Variants in CPE observed in about 807,000 individuals in gnomAD.
CPE encodes the protein carboxypeptidase E.
A neutral mutation model predicts 53.5 loss-of-function variants in CPE; 17 were observed. That is an observed-to-expected ratio of 0.32 (90% CI 0.22 to 0.48). CPE has a LOEUF of 0.48. Among genes scored for constraint, CPE ranks in the 20% least tolerant of loss-of-function variants. The probability of loss-of-function intolerance (pLI) is 0.99; values close to 1 mark genes in which losing one functional copy is unlikely to be tolerated. For missense variants in CPE, 524 were observed against 614.7 expected, an observed-to-expected ratio of 0.85 and a Z score of 1.56; for synonymous variants, 226 against 228.8, an observed-to-expected ratio of 0.99 and a Z score of 0.11.
At chr4:165,486,357 A>T (rs1207837082) in intron 5 of CPE, among the ~76,000 whole-genome samples, 4 of 152,204 alleles carry the variant, frequency 2.6e-5, no homozygotes, top group Non-Finnish European at 5.9e-5. Flanking sequence ...AATGCAGAAT[A>T]TTCTCTTTGG....
At chr4:165,473,757 A>C (rs948890226) in intron 3 of CPE, among the ~76,000 whole-genome samples, 6 of 90,324 alleles carry the variant, frequency 6.6e-5, no homozygotes, top group Admixed American at 1.8e-4. Context: ...ATTATGTGGC[A>C]GAATTTGGAG....
intron 1 of CPE, among the ~76,000 whole-genome samples, chr4:165,417,939 G>T (rs1731152486): frequency 6.6e-6 from 1 of 152,082 alleles, no homozygotes; most frequent in South Asian, 2.1e-4. Flanking sequence ...TTTGTTCTGT[G>T]TGGGCACATT....
At chr4:165,477,310 A>C (rs1188333527) in intron 3 of CPE, among the ~76,000 whole-genome samples, 1 of 152,232 alleles carries the variant, frequency 6.6e-6, no homozygotes, top group Non-Finnish European at 1.5e-5. Flanking sequence ...GTTTAAAACA[A>C]ACTCAGTGTG....
chr4:165,438,811 G>T (rs1458928162), intron 1 of CPE, among the ~76,000 whole-genome samples: 1 of 152,106 alleles, frequency 6.6e-6, no homozygotes, highest in African/African-American at 2.4e-5. Context: ...TGGATTTCTT[G>T]GCACTCATGG....
At chr4:165,458,411 A>G (rs960021968) in intron 1 of CPE, among the ~76,000 whole-genome samples, 12 of 152,222 alleles carry the variant, frequency 7.9e-5, no homozygotes, top group Non-Finnish European at 1.6e-4. Flanking sequence ...TTATGTAATC[A>G]GTGAGTTAAA....
At chr4:165,418,536 T>C (rs1239681889) in intron 1 of CPE, among the ~76,000 whole-genome samples, 1 of 152,240 alleles carries the variant, frequency 6.6e-6, no homozygotes. Context: ...AGTGTGTATT[T>C]GTGTCAGGAT....
At chr4:165,386,058 G>C (rs1371174453) in intron 1 of CPE, among the ~76,000 whole-genome samples, 1 of 152,112 alleles carries the variant, frequency 6.6e-6, no homozygotes, top group Non-Finnish European at 1.5e-5. Context: ...AAATCCTGAG[G>C]CTTCTTATTT....
intron 4 of CPE, 62 bp from the exon 5 acceptor site, chr4:165,484,360 G>A (rs1407070343): frequency 2.0e-6 from 3 of 1,476,038 alleles, no homozygotes; most frequent in Non-Finnish European, 2.8e-6. Flanking sequence ...TCACTCTTTA[G>A]AAAACATGCT....
chr4:165,464,286 G>A (rs1732058244), intron 1 of CPE, 104 bp from the exon 2 acceptor site: 3 of 921,240 alleles, frequency 3.3e-6, no homozygotes, highest in Non-Finnish European at 4.7e-6. Context: ...ATCGCTGCTG[G>A]AGGAAAAAAC....
intron 1 of CPE, among the ~76,000 whole-genome samples, chr4:165,384,933 G>C (rs1461772740): frequency 1.3e-5 from 2 of 152,176 alleles, no homozygotes; most frequent in East Asian, 3.9e-4. Flanking sequence ...ATGAGGCAGA[G>C]GAGAAATAAT....
chr4:165,481,226 A>G (rs1732406593), intron 3 of CPE, among the ~76,000 whole-genome samples: 3 of 152,174 alleles, frequency 2.0e-5, no homozygotes, highest in Non-Finnish European at 4.4e-5. Flanking sequence ...GTGTGAACTT[A>G]GATATGCTAT....
intron 1 of CPE, among the ~76,000 whole-genome samples, chr4:165,409,240 G>T (rs1487359137): frequency 6.6e-6 from 1 of 152,158 alleles, no homozygotes; most frequent in African/African-American, 2.4e-5. Context: ...GTCTCCCTGT[G>T]TTGCCCAGGC....
At chr4:165,477,134 G>T (rs186479188) in intron 3 of CPE, among the ~76,000 whole-genome samples, 2 of 151,642 alleles carry the variant, frequency 1.3e-5, no homozygotes, top group African/African-American at 4.9e-5. Flanking sequence ...ATATTTGATT[G>T]TCAACTTTGT....
rs145890082 is a variant in CPE at position 165,462,213 on chromosome 4, G to C, written c.308-2177G>C. Among the ~76,000 whole-genome samples the C allele has an allele frequency of 1.1e-3, 170 of 152,262 alleles. 3 individuals carry two copies. The East Asian group carries it at 0.024, about 21-fold the overall frequency. On this transcript the variant is annotated intron_variant, in intron 1 of 8. Coordinates refer to ENST00000402744, the MANE Select transcript of CPE (RefSeq NM_001873.4). ...ATGGCGCAGCCTGTGGCAGAACTAGGGGGAGCATGCTCTATCCCAAAGCAT... is the reference window on the plus strand; with the variant it reads ...ATGGCGCAGCCTGTGGCAGAACTAGCGGGAGCATGCTCTATCCCAAAGCAT...
At position 165,468,627 on chromosome 4, in the gene CPE, C is replaced by A. The variant is rs373801341; in HGVS notation, c.672+772C>A. ...AGTTACCACCTCTCAGCGATTTGAT[C>A]TCTCTGACACCTCTTCCATTTCCCT... On this transcript the variant is annotated intron_variant, in intron 3 of 8. Coordinates refer to ENST00000402744, the MANE Select transcript of CPE (RefSeq NM_001873.4). 7.9e-5 allele frequency among the ~76,000 whole-genome samples: 12 copies of A among 152,314 alleles called. No homozygotes were observed. In the South Asian group the frequency reaches 2.3e-3, roughly 29 times the overall value.
At position 165,447,580 on chromosome 4, in the gene CPE, AAAAAGAAAAG is replaced by A. The variant is rs1016195517; in HGVS notation, c.308-16791_308-16782del. On this transcript the variant is annotated intron_variant, in intron 1 of 8. Coordinates refer to ENST00000402744, the MANE Select transcript of CPE (RefSeq NM_001873.4). ...AGGGAGACTCTGTCTTTAAAAAAAAAAAAAGAAAAGAAAAGAAAAGAAAAGAAATATCTTT... is the reference window on the plus strand; with the variant it reads ...AGGGAGACTCTGTCTTTAAAAAAAAAAAAAGAAAAGAAAAGAAATATCTTT... Among the ~76,000 whole-genome samples, 821 of 151,802 alleles carry A rather than the reference AAAAAGAAAAG, an allele frequency of 5.4e-3. 6 individuals carry two copies. Among genetic ancestry groups the A allele is most frequent in the African/African-American group, 0.017 (714 of 41,412 alleles).
At chr4:165,408,723 T>A (rs969265376) in intron 1 of CPE, among the ~76,000 whole-genome samples, 2 of 152,206 alleles carry the variant, frequency 1.3e-5, no homozygotes, top group Admixed American at 6.5e-5. Context: ...TGCTTTTCTG[T>A]CAAGTTCCCA....
chr4:165,387,861 A>T (rs982754366), intron 1 of CPE, among the ~76,000 whole-genome samples: 45 of 152,028 alleles, frequency 3.0e-4, no homozygotes, highest in Non-Finnish European at 4.0e-4. Flanking sequence ...ACCTCAGGGG[A>T]TCTGCCCGCC....
At chr4:165,448,580 A>G (rs530819884) in intron 1 of CPE, among the ~76,000 whole-genome samples, 2 of 152,146 alleles carry the variant, frequency 1.3e-5, no homozygotes, top group South Asian at 4.1e-4. Flanking sequence ...GGAGGTCCCT[A>G]ACATGTACAA....
Sources: allele counts gnomAD v4.1 joint callset (sites outside exome capture counted in the v4.1 genomes callset), GRCh38; gene constraint gnomAD v4.1.1; transcripts MANE v1.5; gene names NCBI Gene and HGNC (gene_info 2026-07-23, HGNC 2026-07-21).